Variants in PIK3AP1 observed in about 807,000 individuals in gnomAD.
PIK3AP1 encodes the protein phosphoinositide-3-kinase adaptor protein 1.
In PIK3AP1, 21 loss-of-function variants were observed where a neutral mutation model predicts 88.1. That is an observed-to-expected ratio of 0.24 (90% CI 0.17 to 0.34). The LOEUF (loss-of-function observed/expected upper bound fraction) is 0.34. PIK3AP1 is among the 10% of genes least tolerant of loss of function. PIK3AP1 has a pLI of 1.00. For synonymous variants in PIK3AP1, 398 were observed against 400.0 expected (o/e 1.00, Z 0.06); for missense variants, 828 against 1,035.7 (o/e 0.80, Z 2.75).
chr10:96,597,146 C>G lies in PIK3AP1; in HGVS notation c.2361-1512G>C, dbSNP rs150441106. Among the ~76,000 whole-genome samples, 1,408 of 152,242 alleles carry G rather than the reference C, an allele frequency of 9.2e-3. 14 individuals carry two copies. Among genetic ancestry groups the G allele is most frequent in the Non-Finnish European group, 0.015 (1,015 of 68,004 alleles). ...TGAAAAAAAAAAGGATGGCCTCCTTCTATCTCTTCAGCCTGCCCTGTGAGT... is the reference window on the plus strand; with the variant it reads ...TGAAAAAAAAAAGGATGGCCTCCTTGTATCTCTTCAGCCTGCCCTGTGAGT... On this transcript the variant is annotated intron_variant, in intron 16 of 16. Coordinates refer to ENST00000339364, the MANE Select transcript of PIK3AP1 (RefSeq NM_152309.3).
chr10:96,633,735 A>G (rs1457405024), intron 8 of PIK3AP1, among the ~76,000 whole-genome samples: 1 of 152,222 alleles, frequency 6.6e-6, no homozygotes, highest in Non-Finnish European at 1.5e-5. Context: ...GTTCATTGTA[A>G]TATTTGAATT....
chr10:96,652,111 G>A (rs185083281), intron 4 of PIK3AP1, among the ~76,000 whole-genome samples: 90 of 152,118 alleles, frequency 5.9e-4, no homozygotes, highest in Non-Finnish European at 7.4e-4. Context: ...TCCCTGGGGC[G>A]GGATGCTATA....
In PIK3AP1 at chr10:96,602,334, G is replaced by T. The variant is rs982579321; in HGVS notation, c.2306C>A (p.Pro769His). The part of the protein sequence containing the change: ...SPGPPQVDGT[P>H]TMSLERPPRV... The stretch of plus-strand genomic sequence containing the variant: ...GGGGGGTCTCTCGAGGGACATGGTG[G>T]GTGTCCCATCCACTTGTGGGGGGCC... The change falls in exon 16 of 17, where the codon CCC (proline) becomes CAC (histidine). Residue 769 changes from proline to histidine, a missense_variant. Physicochemically the swap from Pro to His is moderately conservative, Grantham distance 77 (BLOSUM62 -2). This residue lies in a region of PIK3AP1 where 191 missense variants were observed against 208.6 expected (regional missense o/e 0.92). Coordinates refer to ENST00000339364, the MANE Select transcript of PIK3AP1 (RefSeq NM_152309.3). 5 of 1,611,906 alleles carry T rather than the reference G, an allele frequency of 3.1e-6. No homozygotes were observed. Among genetic ancestry groups the T allele is most frequent in the Non-Finnish European group, 4.2e-6 (5 of 1,178,968 alleles).
At chr10:96,653,011 CCAA>C (rs1485219381) in intron 3 of PIK3AP1, among the ~76,000 whole-genome samples, 169 bp from the exon 4 acceptor site, 1 of 151,872 alleles carries the variant, frequency 6.6e-6, no homozygotes, top group African/African-American at 2.4e-5. Flanking sequence ...GCTACCAGTC[CCAA>C]CGAGACAAGT....
chr10:96,690,917 G>A (rs1844145730), intron 2 of PIK3AP1, among the ~76,000 whole-genome samples: 1 of 152,190 alleles, frequency 6.6e-6, no homozygotes. Context: ...AGGTATGGAA[G>A]CTCCTAGGGG....
In PIK3AP1 at chr10:96,602,163, A is replaced by G. The variant is rs561770762; in HGVS notation, c.2360+117T>C. ...CTCCCAAAGTGCTGGGATTACAGGC[A>G]TGAGCCACTGCGCCCAGCTCTGCGC... On this transcript the variant is annotated intron_variant, in intron 16 of 16. Coordinates refer to ENST00000339364, the MANE Select transcript of PIK3AP1 (RefSeq NM_152309.3). 2.7e-4 allele frequency: 233 copies of G among 855,764 alleles called. 6 individuals are homozygous for G. The South Asian group carries it at 3.3e-3, about 12-fold the overall frequency. The allele number at this position is 855,764 out of a possible 1,614,324, so 53.0% of individuals were successfully genotyped here.
At chr10:96,670,129 G>A (rs1843823719) in intron 2 of PIK3AP1, among the ~76,000 whole-genome samples, 2 of 137,788 alleles carry the variant, frequency 1.5e-5, no homozygotes, top group Admixed American at 1.6e-4. Context: ...ACTGACTCCA[G>A]CCTGGGTGAC....
chr10:96,688,197 T>C (rs1159682566), intron 2 of PIK3AP1, among the ~76,000 whole-genome samples: 2 of 152,112 alleles, frequency 1.3e-5, no homozygotes, highest in African/African-American at 4.8e-5. Context: ...CTTTTGCTCC[T>C]CCCAGCCAAT....
At position 96,616,367 on chromosome 10, in the gene PIK3AP1, T is replaced by C. The variant is rs375979099; in HGVS notation, c.2014+272A>G. On this transcript the variant is annotated intron_variant, in intron 13 of 16. Transcript: ENST00000339364. ...TGCAGAGGAAGTATCACCATCCTAT[T>C]TGAGTGAAAAGGTGGAAGCATGCAG... Among the ~76,000 whole-genome samples, 157 of 152,336 alleles carry C rather than the reference T, an allele frequency of 1.0e-3. 2 individuals are homozygous for C. Among genetic ancestry groups the C allele is most frequent in the African/African-American group, 3.6e-3 (149 of 41,576 alleles).
Position 96,595,578 on chromosome 10 carries a change from CA to C in PIK3AP1, c.2416del (p.Ter806AspfsTer5). The C allele has an allele frequency of 6.2e-7, 1 of 1,613,356 alleles. No homozygotes were observed. Among genetic ancestry groups the C allele is most frequent in the Non-Finnish European group, 8.5e-7 (1 of 1,179,736 alleles). On this transcript the variant is annotated frameshift_variant and stop_lost, in exon 17 of 17. Coordinates refer to ENST00000339364, the MANE Select transcript of PIK3AP1 (RefSeq NM_152309.3). LOFTEE classifies it high-confidence loss of function. Reference protein sequence around the residue: ...PPPPVPPRGR* With the variant: ...PPPPVPPRGRX ...GTAGGCAGGTTTTAGGAGGTGGAAT[CA>C]GCGTCCTCTGGGTGGAACAGGTGGA...
At chr10:96,671,685 C>T (rs1048759588) in intron 2 of PIK3AP1, among the ~76,000 whole-genome samples, 2 of 152,108 alleles carry the variant, frequency 1.3e-5, no homozygotes, top group Non-Finnish European at 2.9e-5. Flanking sequence ...TCATCATCAT[C>T]ATCCTCATGA....
intron 15 of PIK3AP1, chr10:96,603,707 CACACCACAT>C: frequency 3.0e-5 from 6 of 201,860 alleles, no homozygotes; most frequent in East Asian, 2.2e-4. Context: ...CACACACACA[CACACCACAT>C]ATATATATAT....
intron 2 of PIK3AP1, among the ~76,000 whole-genome samples, chr10:96,662,975 T>C (rs1311785336): frequency 6.7e-6 from 1 of 148,974 alleles, no homozygotes; most frequent in Non-Finnish European, 1.5e-5. Context: ...AAATGAATGA[T>C]GTACTGATAA....
intron 3 of PIK3AP1, among the ~76,000 whole-genome samples, chr10:96,655,082 G>A (rs553997199): frequency 2.0e-5 from 3 of 152,290 alleles, no homozygotes; most frequent in Non-Finnish European, 4.4e-5. Flanking sequence ...AAAGATGGGA[G>A]TCTCACCATG....
intron 10 of PIK3AP1, among the ~76,000 whole-genome samples, chr10:96,625,480 G>A (rs1396335000): frequency 6.6e-6 from 1 of 152,178 alleles, no homozygotes; most frequent in Non-Finnish European, 1.5e-5. Flanking sequence ...TCTCACAACT[G>A]TATTCCTACC....
chr10:96,683,487 T>C (rs1844028925), intron 2 of PIK3AP1, among the ~76,000 whole-genome samples: 1 of 152,210 alleles, frequency 6.6e-6, no homozygotes, highest in African/African-American at 2.4e-5. Flanking sequence ...AAAAAAAATC[T>C]ACTTATGACA....
At position 96,700,784 on chromosome 10, in the gene PIK3AP1, GA is replaced by G. The variant is rs1461785311; in HGVS notation, c.430+8782del. 6.1e-6 allele frequency: 6 copies of G among 984,576 alleles called. No homozygotes were observed. The African/African-American group carries it at 1.0e-4, about 17-fold the overall frequency. 61.0% of individuals were successfully genotyped at this position (984,576 alleles called of 1,614,324 possible). On this transcript the variant is annotated intron_variant, in intron 2 of 16. Transcript: ENST00000339364. ...CCTGCAAAGTGCCCCATAAGCCCCA[GA>G]AGTCGTCCATGACTTACCATCTGCG... is the stretch of plus-strand genomic sequence containing the variant.
At chr10:96,715,032 GA>G (rs34130100) in intron 1 of PIK3AP1, among the ~76,000 whole-genome samples, 2 of 148,982 alleles carry the variant, frequency 1.3e-5, no homozygotes, top group Admixed American at 6.7e-5. Context: ...TGGAAAGGGA[GA>G]AAAAAAAAAG....
At chr10:96,619,323 C>G (rs1181018548) in intron 12 of PIK3AP1, 1 of 152,254 alleles carries the variant, frequency 6.6e-6, no homozygotes, top group Non-Finnish European at 1.5e-5. Context: ...CCCGCCTTGA[C>G]AGCTGGTATG....
Sources: gnomAD v4.1 joint callset for allele counts (sites outside exome capture counted in the v4.1 genomes callset) on GRCh38, gnomAD v4.1.1 for gene constraint, gnomAD v4.1.1 regional missense constraint, MANE v1.5 for transcripts, NCBI Gene and HGNC (gene_info 2026-07-23, HGNC 2026-07-21) for gene names.